Variants in SCN1A observed in about 807,000 individuals in gnomAD.
SCN1A encodes sodium voltage-gated channel alpha subunit 1.
In SCN1A, 13 loss-of-function variants were observed where a neutral mutation model predicts 193.7. That is an observed-to-expected ratio of 0.07 (90% CI 0.04 to 0.11). The LOEUF is 0.11. Among genes scored for constraint, SCN1A ranks in the 10% least tolerant of loss-of-function variants. The pLI is 1.00. For missense variants in SCN1A, 1,432 were observed against 2,451.1 expected, an observed-to-expected ratio of 0.58 and a Z score of 8.78; for synonymous variants, 781 against 843.6, an observed-to-expected ratio of 0.93 and a Z score of 1.29.
chr2:166,046,349 C>T (rs10930196), intron 12 of SCN1A, among the ~76,000 whole-genome samples: 27,203 of 151,904 alleles, frequency 0.18, 2,749 homozygotes, highest in East Asian at 0.33. Context: ...AAAGCAACCA[C>T]GTTAAAAGCC....
intron 1 of SCN1A, among the ~76,000 whole-genome samples, chr2:166,144,054 T>C (rs575548771): frequency 1.3e-5 from 2 of 152,346 alleles, no homozygotes; most frequent in South Asian, 2.1e-4. Context: ...AAAGTAGCAT[T>C]AGCAGTTCCG....
chr2:166,016,861 C>T (rs189597813), intron 19 of SCN1A, among the ~76,000 whole-genome samples: 29 of 151,426 alleles, frequency 1.9e-4, no homozygotes, highest in African/African-American at 2.7e-4. Flanking sequence ...CCCGTTATCA[C>T]GATATTGTAA....
At chr2:166,117,008 G>T (rs1020607057) in intron 2 of SCN1A, among the ~76,000 whole-genome samples, 1 of 152,142 alleles carries the variant, frequency 6.6e-6, no homozygotes, top group Non-Finnish European at 1.5e-5. Context: ...TTGAGAAGCT[G>T]TTGAGCTCAT....
At chr2:165,994,481 C>A (rs1267096191) in intron 27 of SCN1A, 65 bp from the exon 28 acceptor site, 1 of 1,466,454 alleles carries the variant, frequency 6.8e-7, no homozygotes, top group African/African-American at 1.4e-5. Context: ...GCATTAAGTA[C>A]TTTCTGCATT....
chr2:166,103,448 CTTAA>C (rs1191114687), intron 2 of SCN1A, among the ~76,000 whole-genome samples: 21 of 128,368 alleles, frequency 1.6e-4, no homozygotes, highest in South Asian at 9.9e-4. Flanking sequence ...AAGACTCTGT[CTTAA>C]ATAAATAAAT....
chr2:166,094,237 A>G (rs537501958), intron 2 of SCN1A, among the ~76,000 whole-genome samples: 2 of 152,368 alleles, frequency 1.3e-5, no homozygotes, highest in South Asian at 4.1e-4. Context: ...AGAACGACTA[A>G]TTTTGAGAAT....
intron 1 of SCN1A, among the ~76,000 whole-genome samples, chr2:166,139,723 G>A (rs757476083): frequency 7.2e-5 from 11 of 152,134 alleles, no homozygotes; most frequent in Non-Finnish European, 1.5e-4. Context: ...CCAAGTGAAA[G>A]GGGAAACCCC....
intron 2 of SCN1A, chr2:166,104,286 G>C (rs1438960269): frequency 3.9e-5 from 6 of 152,136 alleles, no homozygotes; most frequent in Non-Finnish European, 8.8e-5. Flanking sequence ...AAGTAACAGG[G>C]AAGAGAGAGT....
In SCN1A at chr2:166,045,102, G is replaced by A. The variant is rs761062389; in HGVS notation, c.1603C>T (p.Arg535Cys). 18 of 1,614,038 alleles carry A rather than the reference G, an allele frequency of 1.1e-5. No homozygotes were observed. Among genetic ancestry groups the A allele is most frequent in the African/African-American group, 1.3e-5 (1 of 74,918 alleles). Residue 535 changes from arginine to cysteine, a missense_variant, in exon 13 of 29, where the codon CGC becomes TGC. Physicochemically the swap from Arg to Cys is radical, Grantham distance 180. Coordinates refer to ENST00000674923, the MANE Select transcript of SCN1A (RefSeq NM_001165963.4). Reference sequence around the variant, plus strand: ...AATCGGTTCCCTTCAATGGAGAAGCGAAAACCTTTCCTCCTGATGCTGTCC... The same window carrying A: ...AATCGGTTCCCTTCAATGGAGAAGCAAAAACCTTTCCTCCTGATGCTGTCC... ...SEDSIRRKGF[R>C]FSIEGNRLTY... is the part of the protein sequence containing the mutation.
chr2:166,138,523 T>A (rs1251008957), intron 1 of SCN1A, among the ~76,000 whole-genome samples: 1 of 152,190 alleles, frequency 6.6e-6, no homozygotes, highest in African/African-American at 2.4e-5. Context: ...CCTTGGCAGC[T>A]CCCACGTGGT....
At chr2:166,078,834 A>G (rs1685219021) in intron 2 of SCN1A, among the ~76,000 whole-genome samples, 1 of 151,690 alleles carries the variant, frequency 6.6e-6, no homozygotes, top group East Asian at 1.9e-4. Flanking sequence ...GAAAATTCTT[A>G]AAATGAATTT....
intron 24 of SCN1A, among the ~76,000 whole-genome samples, chr2:166,001,273 C>A (rs1337059431): frequency 6.6e-6 from 1 of 151,680 alleles, no homozygotes; most frequent in Non-Finnish European, 1.5e-5. Context: ...CAGGCATGAG[C>A]CACCATGCCC....
intron 3 of SCN1A, among the ~76,000 whole-genome samples, chr2:166,076,101 TG>T (rs2105995875): frequency 6.6e-6 from 1 of 152,104 alleles, no homozygotes; most frequent in Non-Finnish European, 1.5e-5. Context: ...TTTGACTTTA[TG>T]GTGCTTTGTG....
At chr2:166,106,213 AAGAT>A (rs1281692599) in intron 2 of SCN1A, among the ~76,000 whole-genome samples, 1 of 152,152 alleles carries the variant, frequency 6.6e-6, no homozygotes, top group Non-Finnish European at 1.5e-5. Context: ...CAAACAAAAA[AAGAT>A]ACAGAAACCA....
Position 165,994,343 on chromosome 2 carries a change from C to G in SCN1A, c.4655G>C (p.Cys1552Ser). 1.2e-6 allele frequency: 2 copies of G among 1,613,062 alleles called. No homozygotes were observed. The change falls in exon 28 of 29, where the codon TGT becomes TCT. Residue 1552 changes from cysteine (C) to serine (S), a missense_variant. Cys to Ser is a moderately radical substitution (Grantham distance 112). Transcript: ENST00000674923. ...VFDISIMILI[C>S]LNMVTMMVET... Reference sequence around the variant, plus strand: ...CACCATCATTGTGACCATGTTAAGACAGATGAGAATCATGATGCTTATGTC... The same window carrying G: ...CACCATCATTGTGACCATGTTAAGAGAGATGAGAATCATGATGCTTATGTC...
intron 23 of SCN1A, among the ~76,000 whole-genome samples, chr2:166,006,829 T>A (rs776278823): frequency 4.7e-4 from 71 of 151,206 alleles, no homozygotes; most frequent in Non-Finnish European, 9.2e-4. Flanking sequence ...CCCAGACCAA[T>A]GTACTAAACA....
rs191462819 is a variant in SCN1A, at chr2:166,005,989, C to A, written c.4003-3236G>T. Among the ~76,000 whole-genome samples the A allele has an allele frequency of 3.3e-3, 500 of 151,182 alleles. 10 individuals carry two copies. Among genetic ancestry groups the A allele is most frequent in the Admixed American group, 0.026 (393 of 15,106 alleles). ...AACCAATTCTATTTCTGGTTCATTACCTGCATTTTTAAAAATAAGTCTACA... is the reference window on the plus strand; with the variant it reads ...AACCAATTCTATTTCTGGTTCATTAACTGCATTTTTAAAAATAAGTCTACA... On this transcript the variant is annotated intron_variant, in intron 23 of 28. Coordinates refer to ENST00000674923, the MANE Select transcript of SCN1A (RefSeq NM_001165963.4).
intron 2 of SCN1A, among the ~76,000 whole-genome samples, chr2:166,091,890 C>A (rs2106086876): frequency 6.6e-6 from 1 of 152,200 alleles, no homozygotes; most frequent in East Asian, 1.9e-4. Flanking sequence ...TAACTGAATT[C>A]ATGATCAATG....
At chr2:166,006,002 A>C (rs1691601912) in intron 23 of SCN1A, among the ~76,000 whole-genome samples, 1 of 151,354 alleles carries the variant, frequency 6.6e-6, no homozygotes, top group Non-Finnish European at 1.5e-5. Context: ...GCATTTTTAA[A>C]AATAAGTCTA....
Sources: allele counts gnomAD v4.1 joint callset (sites outside exome capture counted in the v4.1 genomes callset), GRCh38; gene constraint gnomAD v4.1.1; transcripts MANE v1.5; gene names NCBI Gene and HGNC (gene_info 2026-07-23, HGNC 2026-07-21).